ZNF257: variants seen among roughly 807,000 people sequenced by gnomAD.
The protein encoded by ZNF257 is bone marrow zinc finger 4.
Under a neutral mutation model 11.9 loss-of-function variants are expected in ZNF257, and 12 were observed. The observed-to-expected ratio is 1.01, with a 90% CI of 0.65 to 1.63. The LOEUF is 1.63. ZNF257 is among the 40% of genes most tolerant of loss of function. The probability of loss-of-function intolerance (pLI) is 0.00; values close to 1 mark genes in which losing one functional copy is unlikely to be tolerated. For synonymous variants in ZNF257, 183 were observed against 222.7 expected, an observed-to-expected ratio of 0.82 and a Z score of 1.59; for missense variants, 580 against 665.5, an observed-to-expected ratio of 0.87 and a Z score of 1.41.
intron 3 of ZNF257, chr19:22,087,409 T>G (rs115319585): frequency 6.1e-4 from 251 of 412,728 alleles, no homozygotes; most frequent in African/African-American, 4.1e-3. Flanking sequence ...TCTTCCTAGT[T>G]ATCAATCACT....
chr19:22,089,702 C>A lies in ZNF257; in HGVS notation c.*260C>A. 1.2e-6 allele frequency: 1 copy of A among 805,342 alleles called. No homozygotes were observed. The highest frequency in any genetic ancestry group is 3.8e-5 in the East Asian group (1 of 26,288). 49.9% of individuals were successfully genotyped at this position (805,342 alleles called of 1,614,324 possible). ...ATGAGAACACATGTGGAAGATAAAG[C>A]CTACAAATATGAAGAATGTGACAAG... On this transcript the variant is annotated 3_prime_UTR_variant, in exon 4 of 4. Transcript: ENST00000594947.
chr19:22,086,939 T>C, intron 3 of ZNF257, among the ~76,000 whole-genome samples: 1 of 151,976 alleles, frequency 6.6e-6, no homozygotes, highest in South Asian at 2.1e-4. Context: ...TGAACTTCTT[T>C]ATTTTTATAT....
intron 1 of ZNF257, among the ~76,000 whole-genome samples, chr19:22,056,196 A>G (rs1174493916): frequency 6.6e-6 from 1 of 152,138 alleles, no homozygotes; most frequent in Non-Finnish European, 1.5e-5. Flanking sequence ...TCGTGCCTGT[A>G]ATCTTAGCAC....
chr19:22,061,011 T>C (rs1189717607), intron 1 of ZNF257, among the ~76,000 whole-genome samples: 1 of 152,240 alleles, frequency 6.6e-6, no homozygotes, highest in Non-Finnish European at 1.5e-5. Flanking sequence ...AGTACCATGC[T>C]GCTTTTTTTA....
At chr19:22,077,723 A>C (rs945418256) in intron 3 of ZNF257, among the ~76,000 whole-genome samples, 1 of 152,186 alleles carries the variant, frequency 6.6e-6, no homozygotes, top group Admixed American at 6.5e-5. Flanking sequence ...AATACAATAA[A>C]CATGACTGTT....
At chr19:22,074,712 G>A (rs1045068320) in intron 3 of ZNF257, among the ~76,000 whole-genome samples, 2 of 151,928 alleles carry the variant, frequency 1.3e-5, no homozygotes, top group Non-Finnish European at 2.9e-5. Flanking sequence ...TTACCAGATA[G>A]TTTGTTTTAA....
intron 1 of ZNF257, chr19:22,060,504 C>T (rs557367368): frequency 3.7e-5 from 5 of 135,974 alleles, no homozygotes; most frequent in Non-Finnish European, 7.7e-5. Context: ...TTTTTTTTTC[C>T]GAGATGGAGT....
At chr19:22,073,048 T>G in intron 2 of ZNF257, 113 bp downstream of exon 2, 1 of 1,258,836 alleles carries the variant, frequency 7.9e-7, no homozygotes, top group Non-Finnish European at 1.1e-6. Flanking sequence ...GATAATTATG[T>G]TTTGCATAAA....
At chr19:22,076,486 T>C (rs1022400941) in intron 3 of ZNF257, among the ~76,000 whole-genome samples, 1 of 152,104 alleles carries the variant, frequency 6.6e-6, no homozygotes, top group African/African-American at 2.4e-5. Context: ...TATTCTGCAT[T>C]ATCTCTAAAA....
chr19:22,080,937 G>A (rs2022343349), intron 3 of ZNF257, among the ~76,000 whole-genome samples: 1 of 150,754 alleles, frequency 6.6e-6, no homozygotes. Context: ...GAGTGCAGTG[G>A]CACGATCTCA....
chr19:22,058,068 A>G (rs2021690631), intron 1 of ZNF257, among the ~76,000 whole-genome samples: 1 of 152,078 alleles, frequency 6.6e-6, no homozygotes, highest in Admixed American at 6.6e-5. Flanking sequence ...AGCCAAATTC[A>G]GCTGATTTTT....
At chr19:22,061,021 A>G (rs746170815) in intron 1 of ZNF257, among the ~76,000 whole-genome samples, 4 of 151,254 alleles carry the variant, frequency 2.6e-5, no homozygotes, top group Non-Finnish European at 5.9e-5. Flanking sequence ...TGCTTTTTTT[A>G]CTGTAGCCCT....
chr19:22,052,962 G>A (rs1420230214), intron 1 of ZNF257, among the ~76,000 whole-genome samples: 2 of 152,142 alleles, frequency 1.3e-5, no homozygotes, highest in Non-Finnish European at 2.9e-5. Flanking sequence ...TCCTGACTCG[G>A]GGTGCGGGGT....
chr19:22,081,651 C>G (rs2022362008), intron 3 of ZNF257, among the ~76,000 whole-genome samples: 1 of 152,030 alleles, frequency 6.6e-6, no homozygotes, highest in African/African-American at 2.4e-5. Context: ...ATTTCAGCCT[C>G]TCAAGCAGCT....
chr19:22,078,023 A>G (rs1248694605), intron 3 of ZNF257, among the ~76,000 whole-genome samples: 1 of 151,644 alleles, frequency 6.6e-6, no homozygotes, highest in Non-Finnish European at 1.5e-5. Context: ...GCGGATCACA[A>G]GGGCAGGAGT....
chr19:22,055,261 C>A (rs924182897), intron 1 of ZNF257, among the ~76,000 whole-genome samples: 4 of 152,274 alleles, frequency 2.6e-5, no homozygotes, highest in Admixed American at 2.6e-4. Context: ...GGCTGGAGTG[C>A]AGTGACACCA....
At chr19:22,085,715 C>T (rs1220973232) in intron 3 of ZNF257, among the ~76,000 whole-genome samples, 5 of 150,912 alleles carry the variant, frequency 3.3e-5, no homozygotes, top group East Asian at 3.9e-4. Flanking sequence ...CACACAAACA[C>T]GCAAACATGA....
At chr19:22,067,100 T>C (rs2021969198) in intron 1 of ZNF257, among the ~76,000 whole-genome samples, 1 of 152,134 alleles carries the variant, frequency 6.6e-6, no homozygotes, top group African/African-American at 2.4e-5. Context: ...TTATGCTACA[T>C]AGTATGTGCT....
In ZNF257 at chr19:22,052,783, C is replaced by T. The variant is rs1034488227; in HGVS notation, c.3+148C>T. The T allele has an allele frequency of 5.4e-6, 5 of 921,814 alleles. No homozygotes were observed. The Admixed American group carries it at 6.4e-5, about 12-fold the overall frequency. The allele number at this position is 921,814 out of a possible 1,614,324, so 57.1% of individuals were successfully genotyped here. On this transcript the variant is annotated intron_variant, in intron 1 of 3. Transcript: ENST00000594947. ...CTTGGCCAGCTCGGCCTCGGTCCCCCTCAGCCATAAGATGGCGGCTGCGCT... is the reference window on the plus strand; with the variant it reads ...CTTGGCCAGCTCGGCCTCGGTCCCCTTCAGCCATAAGATGGCGGCTGCGCT...
Sources: allele counts gnomAD v4.1 joint callset (sites outside exome capture counted in the v4.1 genomes callset), GRCh38; gene constraint gnomAD v4.1.1; transcripts MANE v1.5; gene names NCBI Gene and HGNC (gene_info 2026-07-23, HGNC 2026-07-21).